ABCC4: variants seen among roughly 807,000 people sequenced by gnomAD.
ABCC4 encodes the protein ATP binding cassette subfamily C member 4 (PEL blood group).
ABCC4 carries 102 observed loss-of-function variants against 168.5 expected under a neutral mutation model. The observed-to-expected ratio is 0.61, with a 90% CI of 0.52 to 0.71. The LOEUF is 0.71. ABCC4 is among the 30% of genes least tolerant of loss of function. ABCC4 has a pLI of 0.00. For synonymous variants in ABCC4, 617 were observed against 590.7 expected (o/e 1.04, Z -0.65); for missense variants, 1,402 against 1,605.8 (o/e 0.87, Z 2.17).
intron 1 of ABCC4, among the ~76,000 whole-genome samples, chr13:95,285,674 T>C (rs2138932058): frequency 6.6e-6 from 1 of 152,280 alleles, no homozygotes; most frequent in Middle Eastern, 3.4e-3. Flanking sequence ...CCAGGGTATA[T>C]AACATGAGCT....
rs1269029410 is a variant in ABCC4, at chr13:95,064,260, G to GTGTATA, written c.3211-1402_3211-1401insTATACA. On this transcript the variant is annotated intron_variant, in intron 25 of 30. Coordinates refer to ENST00000645237, the MANE Select transcript of ABCC4 (RefSeq NM_005845.5). ...GGTACATCCGGGTGTGTGTGTGTGT[G>GTGTATA]TATATATATATATATATATATATAT... Among the ~76,000 whole-genome samples, 6 of 21,492 alleles carry GTGTATA rather than the reference G, an allele frequency of 2.8e-4. No individual in the cohort carries two copies. In the East Asian group the frequency reaches 4.3e-3, roughly 15 times the overall value. 14.1% of individuals were successfully genotyped at this position (21,492 alleles called of 152,430 possible).
At chr13:95,246,889 C>T (rs988061507) in intron 3 of ABCC4, 86 bp downstream of exon 3, 1 of 1,463,182 alleles carries the variant, frequency 6.8e-7, no homozygotes, top group South Asian at 1.3e-5. Context: ...CCTTCTGTTC[C>T]CCCATCCATT....
intron 18 of ABCC4, among the ~76,000 whole-genome samples, chr13:95,162,261 C>T (rs968473404): frequency 3.9e-5 from 6 of 152,160 alleles, no homozygotes; most frequent in African/African-American, 1.4e-4. Context: ...AAACACCTAA[C>T]AGATTTAGAT....
intron 20 of ABCC4, among the ~76,000 whole-genome samples, chr13:95,095,244 C>A (rs113739017): frequency 0.017 from 2,634 of 152,176 alleles, 39 homozygotes; most frequent in Non-Finnish European, 0.025. Context: ...GGAACCAACC[C>A]AAATGCCCAT....
At chr13:95,180,235 C>T (rs1382678678) in intron 11 of ABCC4, among the ~76,000 whole-genome samples, 4 of 152,160 alleles carry the variant, frequency 2.6e-5, no homozygotes, top group African/African-American at 7.2e-5. Context: ...AGAAGTTACA[C>T]TATCTCTTCC....
chr13:95,262,109 G>C (rs1166291339), intron 1 of ABCC4, among the ~76,000 whole-genome samples: 2 of 152,158 alleles, frequency 1.3e-5, no homozygotes, highest in African/African-American at 2.4e-5. Flanking sequence ...TGCCTGGGGG[G>C]CAGCTCTCAG....
At chr13:95,091,754 AAAC>A (rs778797480) in intron 20 of ABCC4, among the ~76,000 whole-genome samples, 3 of 144,952 alleles carry the variant, frequency 2.1e-5, no homozygotes, top group African/African-American at 2.5e-5. Context: ...AAGCAAAAAC[AAAC>A]AAAAAAAACA....
intron 4 of ABCC4, among the ~76,000 whole-genome samples, chr13:95,226,764 C>T (rs943465510): frequency 6.6e-6 from 1 of 152,180 alleles, no homozygotes; most frequent in African/African-American, 2.4e-5. Flanking sequence ...ATATGAGATT[C>T]CCAGACCAGA....
chr13:95,300,338 G>A (rs958749905), intron 1 of ABCC4, among the ~76,000 whole-genome samples: 5 of 152,052 alleles, frequency 3.3e-5, no homozygotes, highest in Admixed American at 2.6e-4. Context: ...CCCCACCTCC[G>A]AGCTGTCCTC....
Position 95,292,817 on chromosome 13 carries a change from G to C in ABCC4, c.74+8424C>G, listed in dbSNP as rs1292854557. ...GCAGACAGGGACTAGGCCTGAAACAGACCAGCACGGAAGTGGTCATGGAAC... is the reference window on the plus strand; with the variant it reads ...GCAGACAGGGACTAGGCCTGAAACACACCAGCACGGAAGTGGTCATGGAAC... On this transcript the variant is annotated intron_variant, in intron 1 of 30. Transcript: ENST00000645237. 2.0e-5 allele frequency among the ~76,000 whole-genome samples: 3 copies of C among 152,144 alleles called. No homozygotes were observed. The East Asian group carries it at 5.8e-4, about 29-fold the overall frequency.
intron 21 of ABCC4, among the ~76,000 whole-genome samples, chr13:95,079,904 T>C (rs1220262028): frequency 6.6e-6 from 1 of 152,164 alleles, no homozygotes; most frequent in Non-Finnish European, 1.5e-5. Flanking sequence ...ATGCAAGTGG[T>C]AGACTTGGGC....
At chr13:95,193,360 A>G (rs1015416163) in intron 9 of ABCC4, among the ~76,000 whole-genome samples, 4 of 152,126 alleles carry the variant, frequency 2.6e-5, no homozygotes, top group Admixed American at 2.6e-4. Context: ...CTGTTCCAGT[A>G]CCCTCAGAAG....
chr13:95,067,353 G>A (rs1566387787), intron 25 of ABCC4, among the ~76,000 whole-genome samples: 1 of 152,140 alleles, frequency 6.6e-6, no homozygotes, highest in South Asian at 2.1e-4. Context: ...CTGTAGGGTG[G>A]CACTTGGCCC....
At chr13:95,126,758 A>ATATATATTTATATATATTTAAGTACACC (rs1434923547) in intron 19 of ABCC4, among the ~76,000 whole-genome samples, 1 of 43,128 alleles carries the variant, frequency 2.3e-5, no homozygotes, top group East Asian at 6.9e-4. Context: ...TATATATTCC[A>ATATATATTTATATATATTTAAGTACACC]AAATATATAT....
intron 8 of ABCC4, among the ~76,000 whole-genome samples, chr13:95,196,181 A>G (rs947110303): frequency 6.8e-6 from 1 of 148,092 alleles, no homozygotes; most frequent in African/African-American, 2.4e-5. Context: ...TAAACAACCT[A>G]GATCACCCCC....
intron 20 of ABCC4, among the ~76,000 whole-genome samples, chr13:95,115,078 G>GA (rs4148523): frequency 4.0e-5 from 6 of 149,852 alleles, no homozygotes; most frequent in Admixed American, 2.0e-4. Context: ...AAACACTTGG[G>GA]AAAAAAAAAG....
intron 9 of ABCC4, among the ~76,000 whole-genome samples, chr13:95,190,280 A>G (rs1232532241): frequency 6.6e-6 from 1 of 152,202 alleles, no homozygotes; most frequent in Admixed American, 6.5e-5. Flanking sequence ...CTGAGGTTGC[A>G]GTGAGCCAAG....
chr13:95,075,750 A>G (rs2033878365), intron 21 of ABCC4, 199 bp from the exon 22 acceptor site: 1 of 562,956 alleles, frequency 1.8e-6, no homozygotes, highest in Admixed American at 3.4e-5. Context: ...CTCAAACCAC[A>G]CCTCACATAA....
In ABCC4 at chr13:95,124,826, C is replaced by T. The variant is rs1338217580; in HGVS notation, c.2456-8825G>A. Among the ~76,000 whole-genome samples, 5 of 149,300 alleles carry T rather than the reference C, an allele frequency of 3.3e-5. No homozygotes were observed. In the East Asian group the frequency reaches 7.8e-4, roughly 23 times the overall value. The stretch of plus-strand genomic sequence containing the variant: ...CTGGGAGGCGGAAGCTGCAGTGAGC[C>T]GAAATCACACCACTGTACTCCAGGC... On this transcript the variant is annotated intron_variant, in intron 19 of 30. Transcript: ENST00000645237.
Sources: gnomAD v4.1 joint callset for allele counts (sites outside exome capture counted in the v4.1 genomes callset) on GRCh38, gnomAD v4.1.1 for gene constraint, MANE v1.5 for transcripts, NCBI Gene and HGNC (gene_info 2026-07-23, HGNC 2026-07-21) for gene names.